The following TMEM132B variants were observed in gnomAD, a reference collection of about 807,000 sequenced individuals.
TMEM132B encodes transmembrane protein 132B.
TMEM132B carries 18 observed loss-of-function variants against 90.8 expected under a neutral mutation model. That is an observed-to-expected ratio of 0.20 (90% confidence interval 0.14 to 0.29). The LOEUF (loss-of-function observed/expected upper bound fraction) is 0.29. Ranked by LOEUF, TMEM132B falls within the 10% of genes least tolerant of loss-of-function variation. TMEM132B has a pLI of 1.00. For synonymous variants in TMEM132B, 504 were observed against 523.3 expected (o/e 0.96, Z 0.50); for missense variants, 1,096 against 1,326.8 (o/e 0.83, Z 2.70).
chr12:125,359,975 G>C (rs566146698), intron 2 of TMEM132B, among the ~76,000 whole-genome samples: 19 of 152,186 alleles, frequency 1.2e-4, no homozygotes, highest in Non-Finnish European at 2.5e-4. Context: ...CTACTTGGGA[G>C]GCTGAGGCAG....
intron 5 of TMEM132B, among the ~76,000 whole-genome samples, chr12:125,598,613 G>A (rs951245847): frequency 2.0e-5 from 3 of 152,092 alleles, no homozygotes; most frequent in African/African-American, 7.2e-5. Flanking sequence ...ATATAGAAAA[G>A]GTGCCAATGA....
chr12:125,289,776 C>T (rs1875480670), intron 1 of TMEM132B, among the ~76,000 whole-genome samples: 1 of 152,216 alleles, frequency 6.6e-6, no homozygotes. Context: ...AGTGGCCAAA[C>T]ATGGATCTGA....
chr12:125,407,654 T>C lies in TMEM132B; in HGVS notation c.960-7877T>C, dbSNP rs74464096. 3.3e-3 allele frequency among the ~76,000 whole-genome samples: 507 copies of C among 152,298 alleles called. 4 individuals carry two copies. Among genetic ancestry groups the C allele is most frequent in the African/African-American group, 0.012 (480 of 41,550 alleles). ...ATCTGGACTCAGACTCTTTCCAGCA[T>C]CCAGTCCTCCATCACAGACAAGGCC... On this transcript the variant is annotated intron_variant, in intron 2 of 8. Coordinates refer to ENST00000682704, the MANE Select transcript of TMEM132B (RefSeq NM_001366854.1). The surrounding 1 kb of genome is among the most constrained non-coding windows in gnomAD (Gnocchi z 6.7).
rs1272872214 is a variant in TMEM132B at position 125,583,932 on chromosome 12, G to A, written c.1375G>A (p.Gly459Ser). The change falls in exon 5 of 9, where the codon GGT (glycine) becomes AGT (serine). Residue 459 changes from glycine (G) to serine (S), a missense_variant. By Grantham distance (56) the Gly-to-Ser change is moderately conservative. Transcript: ENST00000682704. Reference sequence around the variant, plus strand: ...CAAAGTCGTGGGGGTCCAGGAGGATGGTTCTGTGGTCGATGTGTCTGAGTC... The same window carrying A: ...CAAAGTCGTGGGGGTCCAGGAGGATAGTTCTGTGGTCGATGTGTCTGAGTC... The part of the protein sequence containing the change: ...PVKVVGVQED[G>S]SVVDVSESVE... 1.2e-6 allele frequency: 2 copies of A among 1,614,074 alleles called. No individual in the cohort carries two copies. Among genetic ancestry groups the A allele is most frequent in the Non-Finnish European group, 8.5e-7 (1 of 1,180,044 alleles).
In TMEM132B at chr12:125,441,255, G is replaced by T. The variant is rs1880859966; in HGVS notation, c.1106+25578G>T. ...ATTAGCATCCATGTCTAGATCAAAA[G>T]TTGGGGGGAGATAGACAAAGAGTGA... On this transcript the variant is annotated intron_variant, in intron 3 of 8. Transcript: ENST00000682704. Among the ~76,000 whole-genome samples the T allele has an allele frequency of 2.0e-5, 3 of 152,308 alleles. No individual in the cohort carries two copies. In the South Asian group the frequency reaches 6.2e-4, roughly 32 times the overall value.
chr12:125,496,455 A>G (rs1882561641), intron 3 of TMEM132B, among the ~76,000 whole-genome samples: 1 of 152,208 alleles, frequency 6.6e-6, no homozygotes, highest in Non-Finnish European at 1.5e-5. Context: ...CTTATGTATC[A>G]TAAAATACCA....
intron 1 of TMEM132B, among the ~76,000 whole-genome samples, chr12:125,188,619 AAGGTGAGCTCCC>A (rs1957774614): frequency 8.3e-6 from 1 of 120,914 alleles, no homozygotes; most frequent in African/African-American, 3.1e-5. Flanking sequence ...GTTGGGAGGG[AAGGTGAGCTCCC>A]ACTGAAACCT....
intron 3 of TMEM132B, among the ~76,000 whole-genome samples, chr12:125,443,484 T>C (rs1880929627): frequency 6.6e-6 from 1 of 152,156 alleles, no homozygotes; most frequent in Non-Finnish European, 1.5e-5. Context: ...TGATTATGTG[T>C]TAGTCCCTCA....
In TMEM132B at chr12:125,372,486, C is replaced by T. The variant is rs1379510756; in HGVS notation, c.959+22143C>T. Among the ~76,000 whole-genome samples the T allele has an allele frequency of 2.0e-5, 3 of 152,128 alleles. No individual in the cohort carries two copies. In the South Asian group the frequency reaches 6.2e-4, roughly 32 times the overall value. On this transcript the variant is annotated intron_variant, in intron 2 of 8. Coordinates refer to ENST00000682704, the MANE Select transcript of TMEM132B (RefSeq NM_001366854.1). ...CAAAACCTCTTCCAGTTCTTATGCCCTATTGGGTTTAGCCAAAGGAGCTTT... is the reference window on the plus strand; with the variant it reads ...CAAAACCTCTTCCAGTTCTTATGCCTTATTGGGTTTAGCCAAAGGAGCTTT...
chr12:125,587,207 T>TTGTGTGTGTG (rs56061189), intron 5 of TMEM132B: 1 of 141,434 alleles, frequency 7.1e-6, no homozygotes, highest in Admixed American at 6.9e-5. Flanking sequence ...AAGTAGAGGA[T>TTGTGTGTGTG]TGTGTGTGTG....
At chr12:125,497,025 TAG>T (rs1466106920) in intron 3 of TMEM132B, among the ~76,000 whole-genome samples, 1 of 152,188 alleles carries the variant, frequency 6.6e-6, no homozygotes, top group African/African-American at 2.4e-5. Context: ...CTGATTAATT[TAG>T]AGTCTTACCG....
At chr12:125,501,019 T>A (rs1281839631) in intron 3 of TMEM132B, among the ~76,000 whole-genome samples, 1 of 152,198 alleles carries the variant, frequency 6.6e-6, no homozygotes, top group Non-Finnish European at 1.5e-5. Flanking sequence ...AAGGGTTTTA[T>A]GTCAGCTTTT....
At chr12:125,388,480 T>G (rs961787042) in intron 2 of TMEM132B, among the ~76,000 whole-genome samples, 2 of 152,150 alleles carry the variant, frequency 1.3e-5, no homozygotes, top group African/African-American at 4.8e-5. Flanking sequence ...CCCGTATGGT[T>G]TAATTGCCAG....
chr12:125,313,861 T>A (rs755821314), intron 1 of TMEM132B, among the ~76,000 whole-genome samples: 3 of 151,184 alleles, frequency 2.0e-5, no homozygotes, highest in Non-Finnish European at 4.4e-5. Context: ...AAAGGCTCCC[T>A]GCCTTTTCAT....
rs190186782 is a variant in TMEM132B at position 125,466,562 on chromosome 12, C to T, written c.1106+50885C>T. 3.8e-4 allele frequency among the ~76,000 whole-genome samples: 58 copies of T among 152,326 alleles called. No individual in the cohort carries two copies. In the East Asian group the frequency reaches 9.6e-3, roughly 25 times the overall value. On this transcript the variant is annotated intron_variant, in intron 3 of 8. Transcript: ENST00000682704. ...TGACATGATTCACAGACTGTAGATA[C>T]CTCCATGGCCAGGCTGGCGTTTCTG...
intron 3 of TMEM132B, among the ~76,000 whole-genome samples, chr12:125,505,287 A>G (rs1164973946): frequency 6.6e-6 from 1 of 151,676 alleles, no homozygotes; most frequent in Non-Finnish European, 1.5e-5. Flanking sequence ...ATTACATTAT[A>G]GACATTAAGG....
At chr12:125,625,813 T>C (rs1400450567) in intron 5 of TMEM132B, among the ~76,000 whole-genome samples, 22 of 152,236 alleles carry the variant, frequency 1.4e-4, no homozygotes, top group Admixed American at 1.4e-3. Context: ...CTCAACAACA[T>C]ATGGTATTGA....
intron 1 of TMEM132B, among the ~76,000 whole-genome samples, chr12:125,226,475 T>C (rs971792927): frequency 6.6e-6 from 1 of 152,218 alleles, no homozygotes; most frequent in Non-Finnish European, 1.5e-5. Context: ...CACTATTGTC[T>C]GTCCCATTTT....
intron 5 of TMEM132B, among the ~76,000 whole-genome samples, chr12:125,617,219 A>C (rs1292985154): frequency 2.0e-5 from 3 of 152,060 alleles, no homozygotes. Context: ...TGACTGATAA[A>C]TTTAATTAAA....
Sources: gnomAD v4.1 joint callset for allele counts (sites outside exome capture counted in the v4.1 genomes callset) on GRCh38, gnomAD v4.1.1 for gene constraint, Gnocchi (gnomAD v3.1) non-coding constraint, MANE v1.5 for transcripts, NCBI Gene and HGNC (gene_info 2026-07-23, HGNC 2026-07-21) for gene names.